NRG1: variants seen among roughly 807,000 people sequenced by gnomAD.
NRG1 encodes pro-neuregulin-1, membrane-bound isoform.
NRG1 carries 18 observed loss-of-function variants against 63.8 expected under a neutral mutation model. The observed-to-expected ratio is 0.28, with a 90% CI of 0.19 to 0.42. The LOEUF is 0.42. Ranked by LOEUF, NRG1 falls within the 10% of genes least tolerant of loss-of-function variation. The probability of loss-of-function intolerance (pLI) is 1.00; values close to 1 mark genes in which losing one functional copy is unlikely to be tolerated. For synonymous variants in NRG1, 302 were observed against 301.3 expected (o/e 1.00, Z -0.02); for missense variants, 762 against 814.7 (o/e 0.94, Z 0.79).
At chr8:31,980,894 A>G (rs546277935) in intron 1 of NRG1, among the ~76,000 whole-genome samples, 3 of 152,174 alleles carry the variant, frequency 2.0e-5, no homozygotes, top group East Asian at 3.9e-4. Context: ...AATAAAAATT[A>G]TATGTCAATG....
At chr8:31,918,937 GTA>G (rs1311390863) in intron 1 of NRG1, among the ~76,000 whole-genome samples, 1 of 152,090 alleles carries the variant, frequency 6.6e-6, no homozygotes, top group African/African-American at 2.4e-5. Flanking sequence ...TTGGGAGAGT[GTA>G]TGTGTCGAGG....
intron 1 of NRG1, among the ~76,000 whole-genome samples, chr8:31,909,306 C>T (rs759006490): frequency 6.6e-6 from 1 of 151,884 alleles, no homozygotes; most frequent in African/African-American, 2.4e-5. Context: ...TTATAACATC[C>T]CTTTACAGAG....
chr8:32,590,489 A>G (rs1326201046), intron 1 of NRG1, among the ~76,000 whole-genome samples: 1 of 152,202 alleles, frequency 6.6e-6, no homozygotes, highest in Non-Finnish European at 1.5e-5. Flanking sequence ...CTAATTTTTA[A>G]TTAACAGACC....
intron 1 of NRG1, among the ~76,000 whole-genome samples, chr8:31,873,282 TG>T (rs1423494048): frequency 6.6e-6 from 1 of 152,132 alleles, no homozygotes; most frequent in Non-Finnish European, 1.5e-5. Flanking sequence ...AAGGAGAGGC[TG>T]GGCACGATGG....
intron 1 of NRG1, among the ~76,000 whole-genome samples, chr8:32,469,590 T>C (rs908604040): frequency 3.9e-5 from 6 of 152,184 alleles, no homozygotes; most frequent in African/African-American, 1.4e-4. Flanking sequence ...AGTTTCCTCA[T>C]ATGTAAAATA....
rs1338164255 is a variant in NRG1 at position 32,108,895 on chromosome 8, C to T, written c.37+469464C>T. ...AACCTGTTTCAGACTGCTGCAGAAC[C>T]GTAAGATAATAAATTCATGTTGTTT... On this transcript the variant is annotated intron_variant, in intron 1 of 10. Coordinates refer to the NRG1 transcript ENST00000519301. Among the ~76,000 whole-genome samples the T allele has an allele frequency of 3.9e-5, 6 of 152,000 alleles. No individual in the cohort carries two copies. In the East Asian group the frequency reaches 9.7e-4, roughly 25 times the overall value.
At chr8:32,290,907 A>ATATG (rs150045551) in intron 1 of NRG1, among the ~76,000 whole-genome samples, 75 of 149,852 alleles carry the variant, frequency 5.0e-4, no homozygotes, top group African/African-American at 1.7e-3. Context: ...GAGACACAGG[A>ATATG]TGTGTGTGTG....
chr8:31,931,309 T>TC (rs535372760), intron 1 of NRG1, among the ~76,000 whole-genome samples: 1 of 150,958 alleles, frequency 6.6e-6, no homozygotes, highest in Non-Finnish European at 1.5e-5. Context: ...TAAATGACAC[T>TC]CCCCCCAAAA....
intron 1 of NRG1, among the ~76,000 whole-genome samples, chr8:31,981,778 A>G (rs1349218811): frequency 6.6e-6 from 1 of 152,002 alleles, no homozygotes; most frequent in Non-Finnish European, 1.5e-5. Context: ...GGATGCAGAT[A>G]ATAATCAATC....
At chr8:32,668,212 C>CAAAAA in intron 5 of NRG1, among the ~76,000 whole-genome samples, 1 of 141,820 alleles carries the variant, frequency 7.1e-6, no homozygotes, top group African/African-American at 2.6e-5. Flanking sequence ...GACTCCATCT[C>CAAAAA]AAAAAAAAAA....
intron 1 of NRG1, among the ~76,000 whole-genome samples, chr8:32,241,580 G>A (rs550835118): frequency 6.6e-6 from 1 of 152,222 alleles, no homozygotes; most frequent in South Asian, 2.1e-4. Context: ...AAGAACCAAT[G>A]AAATGCAAAA....
chr8:32,569,040 T>C (rs1306784649), intron 1 of NRG1, among the ~76,000 whole-genome samples: 1 of 151,984 alleles, frequency 6.6e-6, no homozygotes, highest in Non-Finnish European at 1.5e-5. Flanking sequence ...GCCAAGATCA[T>C]TTTTTGTTGT....
In NRG1 at chr8:31,832,303, G is replaced by T. The variant is rs560372443; in HGVS notation, c.37+192872G>T. Among the ~76,000 whole-genome samples, 23 of 148,664 alleles carry T rather than the reference G, an allele frequency of 1.5e-4. 1 individual carries two copies. In the South Asian group the frequency reaches 5.0e-3, roughly 32 times the overall value. ...GGTCTCAGTCTCACTCTGTTGCCCA[G>T]GCTGGAGTGCAGCAGCATGATCATG... On this transcript the variant is annotated intron_variant, in intron 1 of 10. Coordinates refer to the NRG1 transcript ENST00000519301.
chr8:32,673,655 A>G (rs1806289495), intron 5 of NRG1, among the ~76,000 whole-genome samples: 1 of 152,186 alleles, frequency 6.6e-6, no homozygotes, highest in Non-Finnish European at 1.5e-5. Context: ...TTTCTTATCT[A>G]GAGATAGTAA....
chr8:32,284,485 G>GCCTTCCTTCCTT (rs1420268466), intron 1 of NRG1, among the ~76,000 whole-genome samples: 2 of 116,118 alleles, frequency 1.7e-5, no homozygotes, highest in Non-Finnish European at 3.5e-5. Flanking sequence ...CTCCCTGCCT[G>GCCTTCCTTCCTT]CCTGCCTTCC....
At chr8:32,080,571 A>T (rs969856955) in intron 1 of NRG1, among the ~76,000 whole-genome samples, 1 of 152,182 alleles carries the variant, frequency 6.6e-6, no homozygotes, top group Non-Finnish European at 1.5e-5. Context: ...TCTATATAAG[A>T]GAGGCTCCTT....
At chr8:32,548,850 C>A in intron 1 of NRG1, 24 bp downstream of exon 1, 1 of 1,540,722 alleles carries the variant, frequency 6.5e-7, no homozygotes, top group Non-Finnish European at 8.7e-7. Flanking sequence ...GCGGCCCGGG[C>A]CCCACGATCC....
chr8:31,836,430 A>C (rs1204122392), intron 1 of NRG1, among the ~76,000 whole-genome samples: 1 of 152,114 alleles, frequency 6.6e-6, no homozygotes, highest in Non-Finnish European at 1.5e-5. Flanking sequence ...TTATTTAGCC[A>C]TTGATTCCCC....
At chr8:32,610,375 G>C (rs1428993318) in intron 3 of NRG1, among the ~76,000 whole-genome samples, 1 of 152,172 alleles carries the variant, frequency 6.6e-6, no homozygotes, top group East Asian at 1.9e-4. Context: ...GTTGGAAGCT[G>C]TTTACTTTCT....
Sources: gnomAD v4.1 joint callset for allele counts (sites outside exome capture counted in the v4.1 genomes callset) on GRCh38, gnomAD v4.1.1 for gene constraint, MANE v1.5 for transcripts, NCBI Gene and HGNC (gene_info 2026-07-23, HGNC 2026-07-21) for gene names.